The following PHKB variants were observed in gnomAD, a reference collection of about 807,000 sequenced individuals.
The protein encoded by PHKB is phosphorylase kinase regulatory subunit beta, also known as phosphorylase b kinase regulatory subunit beta.
In PHKB, 122 loss-of-function variants were observed where a neutral mutation model predicts 152.1. The observed-to-expected ratio is 0.80, with a 90% CI of 0.69 to 0.93. The LOEUF (loss-of-function observed/expected upper bound fraction) is 0.93. Ranked by LOEUF, PHKB falls within the 40% of genes least tolerant of loss-of-function variation. The pLI is 0.00. For missense variants in PHKB, 1,304 were observed against 1,328.4 expected (o/e 0.98, Z 0.29); for synonymous variants, 436 against 464.9 (o/e 0.94, Z 0.80).
chr16:47,567,168 A>G (rs1438344528), intron 7 of PHKB, among the ~76,000 whole-genome samples: 6 of 152,114 alleles, frequency 3.9e-5, no homozygotes, highest in East Asian at 1.9e-4. Context: ...CATTGAATCT[A>G]TAGATTGCTT....
At chr16:47,566,167 C>G in intron 7 of PHKB, 2 of 669,702 alleles carry the variant, frequency 3.0e-6, no homozygotes, top group South Asian at 1.7e-5. Context: ...CAATCCATAT[C>G]CCTGCATGGG....
At chr16:47,682,638 G>A (rs543707350) in intron 26 of PHKB, among the ~76,000 whole-genome samples, 30 of 152,224 alleles carry the variant, frequency 2.0e-4, no homozygotes, top group Admixed American at 6.5e-4. Flanking sequence ...ACTTCTCTGC[G>A]TTGGTTATTC....
intron 20 of PHKB, among the ~76,000 whole-genome samples, chr16:47,651,818 A>G (rs927648278): frequency 2.6e-5 from 4 of 152,062 alleles, no homozygotes; most frequent in Admixed American, 6.6e-5. Context: ...CTTGATTTTT[A>G]CCTAAGCATT....
chr16:47,656,142 G>A (rs562485988), intron 20 of PHKB, among the ~76,000 whole-genome samples: 12 of 151,904 alleles, frequency 7.9e-5, no homozygotes, highest in East Asian at 3.9e-4. Flanking sequence ...TCAGCCTACC[G>A]AGGCAGCTGG....
intron 13 of PHKB, among the ~76,000 whole-genome samples, chr16:47,605,494 G>C (rs943762088): frequency 6.6e-6 from 1 of 152,142 alleles, no homozygotes; most frequent in African/African-American, 2.4e-5. Context: ...CTGTAATAAA[G>C]ATAGAATTTA....
intron 1 of PHKB, chr16:47,463,153 T>C (rs913341775): frequency 3.3e-5 from 5 of 152,670 alleles, no homozygotes; most frequent in Admixed American, 3.3e-4. Flanking sequence ...TTAACTTTCA[T>C]AAGCTCATAG....
At chr16:47,632,064 C>T (rs1388061346) in intron 14 of PHKB, among the ~76,000 whole-genome samples, 1 of 152,124 alleles carries the variant, frequency 6.6e-6, no homozygotes, top group Non-Finnish European at 1.5e-5. Context: ...GATGTCTATG[C>T]TTCTTTCTGT....
chr16:47,580,329 A>G lies in PHKB; in HGVS notation c.745A>G (p.Ile249Val), dbSNP rs2151692631. The part of the protein sequence containing the change: ...VGLAKAALEA[I>V]NGFNLFGNQG... ...TTTAGCAAAAGCAGCTCTAGAAGCAATTAATGGATTCAACCTTTTTGGCAA... is the reference window on the plus strand; with the variant it reads ...TTTAGCAAAAGCAGCTCTAGAAGCAGTTAATGGATTCAACCTTTTTGGCAA... Residue 249 changes from isoleucine (I) to valine (V), a missense_variant, in exon 8 of 31, where the codon ATT becomes GTT. Coordinates refer to ENST00000323584, the MANE Select transcript of PHKB (RefSeq NM_000293.3). The G allele has an allele frequency of 1.9e-6, 3 of 1,612,958 alleles. No individual in the cohort carries two copies. The highest frequency in any genetic ancestry group is 2.5e-6 in the Non-Finnish European group (3 of 1,179,162).
At chr16:47,565,200 CAGATCTGGACTCTT>C in intron 7 of PHKB, 1 of 620,314 alleles carries the variant, frequency 1.6e-6, no homozygotes, top group South Asian at 1.4e-5. Flanking sequence ...GGCTCAGGTG[CAGATCTGGACTCTT>C]GATCCTTTTT....
intron 17 of PHKB, 25 bp downstream of exon 17, chr16:47,648,641 G>C: frequency 2.0e-6 from 3 of 1,503,496 alleles, no homozygotes; most frequent in Non-Finnish European, 2.8e-6. Flanking sequence ...TCCTCAAAAA[G>C]TAGTTTTTGG....
At chr16:47,557,123 G>A (rs1971387419) in intron 7 of PHKB, among the ~76,000 whole-genome samples, 1 of 152,148 alleles carries the variant, frequency 6.6e-6, no homozygotes, top group Admixed American at 6.5e-5. Flanking sequence ...AGAAAAACAA[G>A]CAATGGGGAA....
chr16:47,606,408 G>C (rs536936643), intron 13 of PHKB, among the ~76,000 whole-genome samples: 3 of 152,078 alleles, frequency 2.0e-5, no homozygotes, highest in African/African-American at 7.2e-5. Flanking sequence ...TTATACATGG[G>C]TACATTTATA....
At chr16:47,534,982 G>A (rs1234255704) in intron 6 of PHKB, among the ~76,000 whole-genome samples, 1 of 152,162 alleles carries the variant, frequency 6.6e-6, no homozygotes, top group Non-Finnish European at 1.5e-5. Flanking sequence ...AATACAAGGA[G>A]GACTAAAATT....
chr16:47,494,931 A>G (rs1292476726), intron 1 of PHKB, among the ~76,000 whole-genome samples: 1 of 152,186 alleles, frequency 6.6e-6, no homozygotes, highest in Non-Finnish European at 1.5e-5. Flanking sequence ...TTAATTGTGT[A>G]GAACATCCTT....
intron 14 of PHKB, among the ~76,000 whole-genome samples, chr16:47,615,314 A>G (rs1352407725): frequency 6.6e-6 from 1 of 152,166 alleles, no homozygotes; most frequent in Non-Finnish European, 1.5e-5. Context: ...TGAGTAGTAG[A>G]ACACTGTGGA....
intron 26 of PHKB, among the ~76,000 whole-genome samples, chr16:47,673,751 A>G (rs973177429): frequency 1.3e-5 from 2 of 152,184 alleles, no homozygotes; most frequent in African/African-American, 4.8e-5. Flanking sequence ...TATTCATTGA[A>G]TATCTGTTAT....
chr16:47,490,210 GT>G (rs1970124661), intron 1 of PHKB, among the ~76,000 whole-genome samples: 1 of 152,078 alleles, frequency 6.6e-6, no homozygotes, highest in South Asian at 2.1e-4. Flanking sequence ...AATCTACAAA[GT>G]TATCAGAAAC....
chr16:47,638,119 A>G lies in PHKB; in HGVS notation c.1459-2916A>G, dbSNP rs1299884084. On this transcript the variant is annotated intron_variant, in intron 14 of 30. Coordinates refer to ENST00000323584, the MANE Select transcript of PHKB (RefSeq NM_000293.3). ...AATTTCAACCTGAATTTCAGGAGGA[A>G]CATGCACATTCAGACCATAGCATTA... Among the ~76,000 whole-genome samples, 4 of 152,298 alleles carry G rather than the reference A, an allele frequency of 2.6e-5. No homozygotes were observed. In the South Asian group the frequency reaches 6.2e-4, roughly 24 times the overall value.
At chr16:47,559,294 T>C (rs555916706) in intron 7 of PHKB, among the ~76,000 whole-genome samples, 37 of 152,330 alleles carry the variant, frequency 2.4e-4, no homozygotes, top group African/African-American at 7.7e-4. Context: ...TATTTTACAG[T>C]ATTCAAAATT....
Sources: allele counts gnomAD v4.1 joint callset (sites outside exome capture counted in the v4.1 genomes callset), GRCh38; gene constraint gnomAD v4.1.1; transcripts MANE v1.5; gene names NCBI Gene and HGNC (gene_info 2026-07-23, HGNC 2026-07-21).